Variants in AQR observed in about 807,000 individuals in gnomAD.
AQR encodes RNA helicase aquarius.
Under a neutral mutation model 180.5 loss-of-function variants are expected in AQR, and 61 were observed. That is an observed-to-expected ratio of 0.34 (90% confidence interval 0.28 to 0.42). AQR has a LOEUF of 0.42. Ranked by LOEUF, AQR falls within the 10% of genes least tolerant of loss-of-function variation. The pLI, the probability that AQR is intolerant of heterozygous loss-of-function variation, is 1.00. For synonymous variants in AQR, 551 were observed against 588.8 expected, an observed-to-expected ratio of 0.94 and a Z score of 0.93; for missense variants, 1,281 against 1,798.3, an observed-to-expected ratio of 0.71 and a Z score of 5.20.
chr15:34,877,493 A>T (rs1234769489), intron 27 of AQR, among the ~76,000 whole-genome samples: 6 of 147,340 alleles, frequency 4.1e-5, no homozygotes, highest in Non-Finnish European at 7.7e-5. Context: ...TGATTAGGTC[A>T]TTTTTGTGGG....
chr15:34,942,116 T>C, intron 6 of AQR, 36 bp from the exon 7 acceptor site: 1 of 1,530,768 alleles, frequency 6.5e-7, no homozygotes, highest in East Asian at 2.3e-5. Context: ...TTTATAAACA[T>C]ACCAGCATTT....
Position 34,856,976 on chromosome 15 carries a change from C to T in AQR, c.4274G>A (p.Ser1425Asn), listed in dbSNP as rs1183224817. Residue 1425 changes from serine to asparagine, a missense_variant, in exon 35 of 35, where the codon AGC (serine) becomes AAC (asparagine). Coordinates refer to ENST00000156471, the MANE Select transcript of AQR (RefSeq NM_014691.3). ...AAAGGCTGGAGTTTCTTGACGGCAG[C>T]TGGTGTCTGTTGGACTGGGTATGAT... is the stretch of plus-strand genomic sequence containing the variant. ...ADIIPSPTDTSCRQETPAFQT... is the reference protein window; with the variant it reads ...ADIIPSPTDTNCRQETPAFQT... The T allele has an allele frequency of 6.2e-7, 1 of 1,614,124 alleles. No individual in the cohort carries two copies. The highest frequency in any genetic ancestry group is 1.1e-5 in the South Asian group (1 of 91,076).
At chr15:34,943,002 C>G in intron 6 of AQR, 1 of 1,443,036 alleles carries the variant, frequency 6.9e-7, no homozygotes, top group Non-Finnish European at 9.5e-7. Flanking sequence ...AAAATCACAT[C>G]TATTTATATT....
intron 19 of AQR, among the ~76,000 whole-genome samples, chr15:34,901,122 CATAA>C (rs1893326095): frequency 6.6e-6 from 1 of 152,128 alleles, no homozygotes. Flanking sequence ...GACAGAATGA[CATAA>C]ATAAATTTAC....
chr15:34,953,048 A>G, intron 3 of AQR, 128 bp from the exon 4 acceptor site: 1 of 548,860 alleles, frequency 1.8e-6, no homozygotes, highest in Non-Finnish European at 3.2e-6. Flanking sequence ...ATAATATCAG[A>G]TCACAACTTC....
At chr15:34,877,841 G>A (rs1892909479) in intron 27 of AQR, among the ~76,000 whole-genome samples, 1 of 152,254 alleles carries the variant, frequency 6.6e-6, no homozygotes, top group South Asian at 2.1e-4. Flanking sequence ...ACTTGATGCT[G>A]CAGGCCAGGG....
At chr15:34,861,997 C>T (rs1892677390) in intron 33 of AQR, among the ~76,000 whole-genome samples, 1 of 151,708 alleles carries the variant, frequency 6.6e-6, no homozygotes, top group Non-Finnish European at 1.5e-5. Context: ...GTATAATAAC[C>T]TGAAGGAAAA....
chr15:34,886,032 A>G (rs1893054621), intron 25 of AQR, among the ~76,000 whole-genome samples: 1 of 152,156 alleles, frequency 6.6e-6, no homozygotes, highest in African/African-American at 2.4e-5. Flanking sequence ...TACCCTAACA[A>G]AAGTAAAAGT....
intron 13 of AQR, among the ~76,000 whole-genome samples, chr15:34,923,456 C>T (rs931604045): frequency 6.6e-6 from 1 of 152,000 alleles, no homozygotes; most frequent in African/African-American, 2.4e-5. Flanking sequence ...TGATCAAGTC[C>T]AATTCATCAT....
At chr15:34,967,706 A>G (rs1375980234) in intron 1 of AQR, among the ~76,000 whole-genome samples, 1 of 152,240 alleles carries the variant, frequency 6.6e-6, no homozygotes, top group African/African-American at 2.4e-5. Context: ...TTAGAAAGGA[A>G]GAGGAAAAAG....
In AQR at chr15:34,896,985, A is replaced by C. The variant is rs765903520; in HGVS notation, c.2391-19T>G. The C allele has an allele frequency of 1.3e-6, 2 of 1,589,088 alleles. No individual in the cohort carries two copies. Among genetic ancestry groups the C allele is most frequent in the African/African-American group, 2.7e-5 (2 of 74,306 alleles). On this transcript the variant is annotated intron_variant, in intron 21 of 34. Coordinates refer to ENST00000156471, the MANE Select transcript of AQR (RefSeq NM_014691.3). The stretch of plus-strand genomic sequence containing the variant: ...CGTATTACTGCAAATAAGAGTAAAT[A>C]AAAAGTTGGTACAGATAAATGATGC...
intron 5 of AQR, among the ~76,000 whole-genome samples, chr15:34,944,942 G>C: frequency 6.6e-6 from 1 of 152,282 alleles, no homozygotes; most frequent in South Asian, 2.1e-4. Flanking sequence ...TGCTCCAAGC[G>C]TGTGGTCTAT....
intron 4 of AQR, among the ~76,000 whole-genome samples, chr15:34,951,053 CTT>C (rs1894223476): frequency 6.6e-6 from 1 of 152,196 alleles, no homozygotes; most frequent in African/African-American, 2.4e-5. Context: ...AACTACATCT[CTT>C]TTCTTCAGAC....
chr15:34,899,883 T>G (rs938470974), intron 20 of AQR, among the ~76,000 whole-genome samples: 1 of 152,116 alleles, frequency 6.6e-6, no homozygotes, highest in African/African-American at 2.4e-5. Flanking sequence ...AGATTAAATA[T>G]GACTATTGTA....
Position 34,910,219 on chromosome 15 carries a change from T to C in AQR, c.1579A>G (p.Ile527Val), listed in dbSNP as rs749357429. The change falls in exon 17 of 35, where the codon ATA (isoleucine) becomes GTA (valine). Residue 527 changes from isoleucine (I) to valine (V), a missense_variant. By Grantham distance (29) the Ile-to-Val change is conservative. Coordinates refer to ENST00000156471, the MANE Select transcript of AQR (RefSeq NM_014691.3). ...ACTCGGGTTGGCCAGTTTTCACCTATGTTGGGTTTGGCCACTTCAACGACA... is the reference window on the plus strand; with the variant it reads ...ACTCGGGTTGGCCAGTTTTCACCTACGTTGGGTTTGGCCACTTCAACGACA... ...FTVVEVAKPN[I>V]GENWPTRVRA... 15 of 1,614,102 alleles carry C rather than the reference T, an allele frequency of 9.3e-6. No individual in the cohort carries two copies. Among genetic ancestry groups the C allele is most frequent in the Admixed American group, 5.0e-5 (3 of 60,000 alleles).
intron 5 of AQR, among the ~76,000 whole-genome samples, chr15:34,947,221 G>A (rs1894141626): frequency 6.6e-6 from 1 of 151,740 alleles, no homozygotes; most frequent in Non-Finnish European, 1.5e-5. Context: ...CCCCAACCCT[G>A]TGCTCTGTGA....
chr15:34,969,433 GAAT>G (rs2050331823), intron 1 of AQR, 103 bp downstream of exon 1: 2 of 1,159,230 alleles, frequency 1.7e-6, no homozygotes, highest in Admixed American at 4.0e-5. Context: ...ATTAACAAAC[GAAT>G]GCCTCCTCCG....
chr15:34,953,858 C>T (rs555635718), intron 3 of AQR, among the ~76,000 whole-genome samples: 1 of 152,288 alleles, frequency 6.6e-6, no homozygotes, highest in Admixed American at 6.5e-5. Flanking sequence ...GATAGAATAC[C>T]AGTGTTCTAG....
intron 5 of AQR, 200 bp downstream of exon 5, chr15:34,948,064 G>T: frequency 2.0e-6 from 1 of 498,150 alleles, no homozygotes. Context: ...TCAATTCATA[G>T]TAAATTATTA....
Sources: allele counts gnomAD v4.1 joint callset (sites outside exome capture counted in the v4.1 genomes callset), GRCh38; gene constraint gnomAD v4.1.1; transcripts MANE v1.5; gene names NCBI Gene and HGNC (gene_info 2026-07-23, HGNC 2026-07-21).